KCNH6: variants seen among roughly 807,000 people sequenced by gnomAD.
KCNH6 encodes the protein voltage-gated inwardly rectifying potassium channel KCNH6.
KCNH6 carries 81 observed loss-of-function variants against 83.4 expected under a neutral mutation model. The ratio of observed to expected loss-of-function variants is 0.97; its 90% CI spans 0.81 to 1.17. The LOEUF (loss-of-function observed/expected upper bound fraction) is 1.17, where lower values mean the gene tolerates loss of function less well. Ranked by LOEUF, KCNH6 falls within the 50% of genes most tolerant of loss-of-function variation. The probability of loss-of-function intolerance (pLI) is 0.00; values close to 1 mark genes in which losing one functional copy is unlikely to be tolerated. For synonymous variants in KCNH6, 503 were observed against 545.6 expected, an observed-to-expected ratio of 0.92 and a Z score of 1.09; for missense variants, 1,203 against 1,290.5, an observed-to-expected ratio of 0.93 and a Z score of 1.04.
In KCNH6 at chr17:63,535,794, G is replaced by A. The variant is rs764333218; in HGVS notation, c.1227G>A (p.Ala409=). 42 of 1,614,116 alleles carry A rather than the reference G, an allele frequency of 2.6e-5. No homozygotes were observed. Among genetic ancestry groups the A allele is most frequent in the Non-Finnish European group, 3.4e-5 (40 of 1,180,056 alleles). ...AVLFLLMCTF[A]LIAHWLACIW... ...TCTTCTTGCTCATGTGCACCTTCGC[G>A]CTCATAGCGCACTGGCTGGCCTGCA... is the stretch of plus-strand genomic sequence containing the variant. The change falls in exon 6 of 13, where the codon GCG becomes GCA. Residue 409 remains alanine, a synonymous_variant. Transcript: ENST00000314672. This position sits in a 1 kb window ranked among gnomAD's most constrained non-coding sequence, Gnocchi z 4.9.
At chr17:63,537,931 G>A (rs760686533) in intron 6 of KCNH6, 134 bp from the exon 7 acceptor site, 6 of 836,568 alleles carry the variant, frequency 7.2e-6, no homozygotes, top group Non-Finnish European at 1.1e-5. Flanking sequence ...GCGCTGTCCT[G>A]GTCACTCCTG....
At chr17:63,544,789 C>T (rs766059315) in intron 11 of KCNH6, among the ~76,000 whole-genome samples, 2 of 151,932 alleles carry the variant, frequency 1.3e-5, no homozygotes, top group Non-Finnish European at 2.9e-5. Flanking sequence ...CAGCTCTGAA[C>T]CTAGTTTGCC....
At chr17:63,526,221 C>T (rs974317659) in intron 2 of KCNH6, among the ~76,000 whole-genome samples, 1 of 152,162 alleles carries the variant, frequency 6.6e-6, no homozygotes, top group Non-Finnish European at 1.5e-5. Context: ...CCATCCCACC[C>T]TCGGCCCTTC....
At chr17:63,531,305 GC>G (rs2032092522) in intron 4 of KCNH6, among the ~76,000 whole-genome samples, 1 of 152,266 alleles carries the variant, frequency 6.6e-6, no homozygotes, top group Non-Finnish European at 1.5e-5. Context: ...GGAACTATCA[GC>G]CCCCTTTCTA....
At chr17:63,542,055 G>C (rs899467803) in intron 8 of KCNH6, among the ~76,000 whole-genome samples, 186 bp from the exon 9 acceptor site, 2 of 152,176 alleles carry the variant, frequency 1.3e-5, no homozygotes, top group African/African-American at 4.8e-5. Flanking sequence ...CACAGGAAGA[G>C]AACAGCCCCA....
chr17:63,529,212 C>T (rs545723269), intron 2 of KCNH6, among the ~76,000 whole-genome samples: 4 of 152,348 alleles, frequency 2.6e-5, no homozygotes, highest in East Asian at 1.9e-4. Context: ...GCAGAGTCTA[C>T]GACCTGAGAG....
rs749083722 is a variant in KCNH6 at position 63,540,406 on chromosome 17, TG to T, written c.1954+1747del. 5.3e-5 allele frequency among the ~76,000 whole-genome samples: 8 copies of T among 151,934 alleles called. No homozygotes were observed. In the South Asian group the frequency reaches 1.7e-3, roughly 32 times the overall value. On this transcript the variant is annotated intron_variant, in intron 8 of 12. Coordinates refer to ENST00000314672, the MANE Select transcript of KCNH6 (RefSeq NM_001278919.2). The stretch of plus-strand genomic sequence containing the variant: ...AAGATCACGCCACTGTACTCCAGCC[TG>T]GGTGGCAGAGCGAGACTCTGTCTTT...
At chr17:63,539,907 A>G (rs1226560328) in intron 8 of KCNH6, among the ~76,000 whole-genome samples, 2 of 152,106 alleles carry the variant, frequency 1.3e-5, no homozygotes. Context: ...TGGTCCATGC[A>G]TGGCATCCCC....
rs771454089 is a variant in KCNH6, at chr17:63,530,208, G to A, written c.425G>A (p.Arg142His). The change falls in exon 3 of 13, where the codon CGC becomes CAC. Residue 142 changes from arginine (R) to histidine (H), a missense_variant. Transcript: ENST00000314672. The part of the protein sequence containing the change: ...LAQLLAKCSS[R>H]SLSQRLLSQS... ...CAGCTCCTGGCCAAGTGCAGCAGCCGCAGCTTGTCCCAGCGCCTGTTGTCC... is the reference window on the plus strand; with the variant it reads ...CAGCTCCTGGCCAAGTGCAGCAGCCACAGCTTGTCCCAGCGCCTGTTGTCC... 11 of 1,614,056 alleles carry A rather than the reference G, an allele frequency of 6.8e-6. No individual in the cohort carries two copies. Among genetic ancestry groups the A allele is most frequent in the East Asian group, 6.7e-5 (3 of 44,896 alleles).
chr17:63,526,069 C>A (rs2031691451), intron 2 of KCNH6, among the ~76,000 whole-genome samples: 1 of 152,210 alleles, frequency 6.6e-6, no homozygotes, highest in African/African-American at 2.4e-5. Context: ...CCTTGGCCCC[C>A]TGAGATCAGG....
intron 8 of KCNH6, among the ~76,000 whole-genome samples, chr17:63,541,022 C>T (rs1043890049): frequency 2.6e-5 from 4 of 152,196 alleles, no homozygotes; most frequent in Non-Finnish European, 5.9e-5. Context: ...TCCTCCATGG[C>T]CCCATAACTC....
At chr17:63,548,823 T>C (rs1456044301), downstream of KCNH6, 1 of 152,122 alleles carries the variant, frequency 6.6e-6, no homozygotes, top group Admixed American at 6.5e-5. Flanking sequence ...TAGCTGGGCA[T>C]GGTGGCGGGC....
At chr17:63,536,265 A>G in intron 6 of KCNH6, 197 bp downstream of exon 6, 1 of 592,672 alleles carries the variant, frequency 1.7e-6, no homozygotes, top group Non-Finnish European at 3.0e-6. Context: ...CACACAGCCC[A>G]TGCTATCTGC....
In KCNH6 at chr17:63,535,554, C is replaced by T. The variant is rs946811596; in HGVS notation, c.1102-115C>T. The T allele has an allele frequency of 1.1e-5, 11 of 1,016,488 alleles. No homozygotes were observed. Among genetic ancestry groups the T allele is most frequent in the Non-Finnish European group, 1.6e-5 (11 of 695,238 alleles). The allele number at this position is 1,016,488 out of a possible 1,614,324, so 63.0% of individuals were successfully genotyped here. A position where few individuals can be genotyped will look rare whatever the true frequency, so the allele number is the denominator to read the frequency against. On this transcript the variant is annotated intron_variant, in intron 5 of 12. Coordinates refer to ENST00000314672, the MANE Select transcript of KCNH6 (RefSeq NM_001278919.2). This position sits in a 1 kb window ranked among gnomAD's most constrained non-coding sequence, Gnocchi z 4.9. The stretch of plus-strand genomic sequence containing the variant: ...AGTGCGTGGCCCGGAGGAAGTTCTC[C>T]ATAAATGTTTGTTGAATGAGTATGT...
intron 8 of KCNH6, among the ~76,000 whole-genome samples, chr17:63,541,736 A>T (rs527976314): frequency 6.6e-6 from 1 of 152,200 alleles, no homozygotes; most frequent in Non-Finnish European, 1.5e-5. Flanking sequence ...AACTTCCCCA[A>T]GCTTCCTTCA....
At chr17:63,542,016 C>G (rs2032889142) in intron 8 of KCNH6, among the ~76,000 whole-genome samples, 1 of 152,140 alleles carries the variant, frequency 6.6e-6, no homozygotes, top group South Asian at 2.1e-4. Context: ...AGAGGAGCCA[C>G]ACGCCGGATC....
Position 63,530,457 on chromosome 17 carries a change from G to C in KCNH6, c.590G>C (p.Arg197Pro), listed in dbSNP as rs572244824. 1 of 1,614,178 alleles carries C rather than the reference G, an allele frequency of 6.2e-7. No homozygotes were observed. Among genetic ancestry groups the C allele is most frequent in the African/African-American group, 1.3e-5 (1 of 75,056 alleles). The change falls in exon 4 of 13, where the codon CGC (arginine) becomes CCC (proline). Residue 197 changes from arginine to proline, a missense_variant. Coordinates refer to ENST00000314672, the MANE Select transcript of KCNH6 (RefSeq NM_001278919.2). Reference protein sequence around the residue: ...NFVEFNLEKHRSSSTTEIEII... With the variant: ...NFVEFNLEKHPSSSTTEIEII... ...GTGGAGTTCAACTTGGAGAAGCACC[G>C]CTCCAGCTCCACCACGGAGATTGAG...
downstream of KCNH6, among the ~76,000 whole-genome samples, chr17:63,547,801 T>A (rs1315091049): frequency 6.6e-6 from 1 of 151,802 alleles, no homozygotes; most frequent in South Asian, 2.1e-4. Context: ...AATTTTTTTT[T>A]AATTAGCCAA....
intron 10 of KCNH6, 76 bp from the exon 11 acceptor site, chr17:63,544,173 G>A: frequency 1.2e-6 from 2 of 1,602,764 alleles, no homozygotes; most frequent in East Asian, 2.2e-5. Flanking sequence ...AGGGGGTGGG[G>A]GACAGGCTCT....
Sources: gnomAD v4.1 joint callset for allele counts (sites outside exome capture counted in the v4.1 genomes callset) on GRCh38, gnomAD v4.1.1 for gene constraint, Gnocchi (gnomAD v3.1) non-coding constraint, MANE v1.5 for transcripts, NCBI Gene and HGNC (gene_info 2026-07-23, HGNC 2026-07-21) for gene names.